The following PAWR variants were observed in gnomAD, a reference collection of about 807,000 sequenced individuals.
PAWR encodes PRKC apoptosis WT1 regulator protein.
In PAWR, 23 loss-of-function variants were observed where a neutral mutation model predicts 32.0. The observed-to-expected ratio is 0.72, with a 90% CI of 0.52 to 1.02. The LOEUF is 1.02. Among genes scored for constraint, PAWR ranks in the 50% least tolerant of loss-of-function variants. PAWR has a pLI of 0.00. For synonymous variants in PAWR, 226 were observed against 187.1 expected (o/e 1.21, Z -1.70); for missense variants, 457 against 437.7 (o/e 1.04, Z -0.39).
intron 2 of PAWR, among the ~76,000 whole-genome samples, chr12:79,666,561 T>C (rs1490522241): frequency 1.3e-5 from 2 of 152,224 alleles, no homozygotes; most frequent in African/African-American, 4.8e-5. Flanking sequence ...TTCCAACGGT[T>C]ACATGATATG....
intron 2 of PAWR, among the ~76,000 whole-genome samples, chr12:79,645,641 T>C (rs952748784): frequency 4.6e-5 from 7 of 152,182 alleles, no homozygotes; most frequent in African/African-American, 1.7e-4. Context: ...TCATCTTCCT[T>C]TAACAGTACT....
chr12:79,645,277 C>A (rs1453674980), intron 2 of PAWR, among the ~76,000 whole-genome samples: 1 of 152,044 alleles, frequency 6.6e-6, no homozygotes, highest in Non-Finnish European at 1.5e-5. Flanking sequence ...ACTGTTTGGA[C>A]CAAACTACTA....
intron 2 of PAWR, among the ~76,000 whole-genome samples, chr12:79,651,952 G>A (rs1007534710): frequency 3.3e-5 from 5 of 152,148 alleles, no homozygotes; most frequent in Admixed American, 2.0e-4. Context: ...CTGTAACATA[G>A]ATGCACCTTT....
intron 3 of PAWR, among the ~76,000 whole-genome samples, chr12:79,616,322 A>T (rs534122968): frequency 2.5e-4 from 38 of 152,206 alleles, no homozygotes; most frequent in Non-Finnish European, 2.4e-4. Flanking sequence ...CATCAGCTTG[A>T]TTGCCCAGAT....
At chr12:79,631,291 G>A (rs7968442) in intron 2 of PAWR, among the ~76,000 whole-genome samples, 52,830 of 152,044 alleles carry the variant, frequency 0.35, 15,408 homozygotes, top group African/African-American at 0.8. Flanking sequence ...CTTCTATTCA[G>A]TATCTATCAT....
intron 2 of PAWR, among the ~76,000 whole-genome samples, chr12:79,637,719 C>T (rs1333443543): frequency 6.6e-6 from 1 of 151,948 alleles, no homozygotes; most frequent in Non-Finnish European, 1.5e-5. Context: ...TACACACCAA[C>T]ACTCACACAC....
intron 4 of PAWR, 65 bp downstream of exon 4, chr12:79,613,510 T>TAA: frequency 1.2e-6 from 1 of 827,594 alleles, no homozygotes; most frequent in Non-Finnish European, 2.0e-6. Flanking sequence ...TAGTTCTAGT[T>TAA]AAGTCAATGT....
chr12:79,594,815 C>T (rs1873688749), intron 5 of PAWR, among the ~76,000 whole-genome samples: 2 of 152,114 alleles, frequency 1.3e-5, no homozygotes, highest in South Asian at 2.1e-4. Context: ...CTCCTGGGTT[C>T]AAGCGATTCT....
chr12:79,616,102 C>T (rs1476002210), intron 3 of PAWR, among the ~76,000 whole-genome samples: 2 of 148,626 alleles, frequency 1.3e-5, no homozygotes, highest in East Asian at 2.0e-4. Flanking sequence ...GTTTCACAAA[C>T]GGTATTTGCA....
At position 79,621,157 on chromosome 12, in the gene PAWR, T is replaced by G; in HGVS notation, c.567A>C (p.Arg189=). 2 of 1,611,512 alleles carry G rather than the reference T, an allele frequency of 1.2e-6. No homozygotes were observed. Among genetic ancestry groups the G allele is most frequent in the Non-Finnish European group, 1.7e-6 (2 of 1,178,722 alleles). Residue 189 remains arginine (R), a synonymous_variant, in exon 3 of 7, where the codon CGA becomes CGC. Coordinates refer to ENST00000328827, the MANE Select transcript of PAWR (RefSeq NM_002583.4). ...DDEAGQKERK[R]EDAITQQNTI... Reference sequence around the variant, plus strand: ...TGTTCTGTTGTGTAATTGCATCTTCTCGTTTCCGCTCTTTCTGCCCTGCTT... The same window carrying G: ...TGTTCTGTTGTGTAATTGCATCTTCGCGTTTCCGCTCTTTCTGCCCTGCTT...
At chr12:79,623,382 T>A (rs1040436774) in intron 2 of PAWR, among the ~76,000 whole-genome samples, 1 of 152,220 alleles carries the variant, frequency 6.6e-6, no homozygotes, top group African/African-American at 2.4e-5. Flanking sequence ...ATTGTTAACA[T>A]CATTCTGAAA....
intron 2 of PAWR, among the ~76,000 whole-genome samples, chr12:79,660,677 G>A (rs1303301352): frequency 2.0e-5 from 3 of 148,696 alleles, no homozygotes; most frequent in Admixed American, 6.8e-5. Flanking sequence ...TCTGCCTCCC[G>A]GGTTCAAGTG....
intron 2 of PAWR, among the ~76,000 whole-genome samples, chr12:79,681,019 G>A (rs1018758217): frequency 2.6e-5 from 4 of 151,342 alleles, no homozygotes; most frequent in Non-Finnish European, 4.4e-5. Context: ...GGAGGCTCAC[G>A]TGGGAGGATC....
At chr12:79,657,220 GTACTC>G (rs1411104978) in intron 2 of PAWR, among the ~76,000 whole-genome samples, 1 of 152,098 alleles carries the variant, frequency 6.6e-6, no homozygotes, top group Non-Finnish European at 1.5e-5. Flanking sequence ...AAAATTCAAA[GTACTC>G]TATTGTAACA....
chr12:79,595,708 C>T (rs1015125392), intron 5 of PAWR, among the ~76,000 whole-genome samples: 11 of 152,048 alleles, frequency 7.2e-5, no homozygotes, highest in East Asian at 3.9e-4. Context: ...AAGAATTAGC[C>T]GGGCTTGGTG....
chr12:79,672,244 C>T (rs925354255), intron 2 of PAWR, among the ~76,000 whole-genome samples: 5 of 152,106 alleles, frequency 3.3e-5, no homozygotes, highest in African/African-American at 9.7e-5. Context: ...AGATCAAGTA[C>T]TTCCTCTGCT....
intron 3 of PAWR, 52 bp downstream of exon 3, chr12:79,621,024 A>C (rs1874978658): frequency 7.1e-7 from 1 of 1,417,028 alleles, no homozygotes; most frequent in Non-Finnish European, 9.6e-7. Context: ...GGCATAATTG[A>C]AAAATTGCCA....
At chr12:79,639,833 C>CTTTTCCATTCCTATTCCT (rs1313531485) in intron 2 of PAWR, among the ~76,000 whole-genome samples, 6 of 127,504 alleles carry the variant, frequency 4.7e-5, no homozygotes, top group African/African-American at 2.1e-4. Context: ...TTTCCTTTTC[C>CTTTTCCATTCCTATTCCT]ATTCCTATTC....
At chr12:79,601,753 C>G (rs1873972087) in intron 4 of PAWR, among the ~76,000 whole-genome samples, 1 of 152,114 alleles carries the variant, frequency 6.6e-6, no homozygotes, top group Non-Finnish European at 1.5e-5. Flanking sequence ...TTCATTATTT[C>G]TGAAGATCTT....
Sources: allele counts gnomAD v4.1 joint callset (sites outside exome capture counted in the v4.1 genomes callset), GRCh38; gene constraint gnomAD v4.1.1; transcripts MANE v1.5; gene names NCBI Gene and HGNC (gene_info 2026-07-23, HGNC 2026-07-21).